The following DHX57 variants were observed in gnomAD, a reference collection of about 807,000 sequenced individuals.
DHX57 encodes the protein DExH-box helicase 57.
A neutral mutation model predicts 156.2 loss-of-function variants in DHX57; 105 were observed. The observed-to-expected ratio is 0.67, with a 90% CI of 0.57 to 0.79. The LOEUF is 0.79. DHX57 is among the 30% of genes least tolerant of loss of function. DHX57 has a pLI of 0.00. For synonymous variants in DHX57, 704 were observed against 595.6 expected (o/e 1.18, Z -2.65); for missense variants, 1,847 against 1,661.9 (o/e 1.11, Z -1.94).
chr2:38,858,024 C>T (rs541743776), intron 6 of DHX57, among the ~76,000 whole-genome samples: 26 of 152,312 alleles, frequency 1.7e-4, no homozygotes, highest in East Asian at 9.6e-4. Context: ...TGTGTTACCA[C>T]GCCCGCCTGG....
At chr2:38,863,932 G>A (rs1043281555) in intron 2 of DHX57, among the ~76,000 whole-genome samples, 3 of 151,942 alleles carry the variant, frequency 2.0e-5, no homozygotes, top group Non-Finnish European at 2.9e-5. Flanking sequence ...AGAATCACTT[G>A]AACTTGGAGG....
chr2:38,868,775 T>C (rs1665208643), intron 1 of DHX57, among the ~76,000 whole-genome samples: 1 of 151,872 alleles, frequency 6.6e-6, no homozygotes, highest in African/African-American at 2.4e-5. Context: ...AATCCTAGAT[T>C]CTCATTTGGT....
At chr2:38,860,933 A>G in intron 5 of DHX57, 66 bp downstream of exon 5, 1 of 1,437,666 alleles carries the variant, frequency 7.0e-7, no homozygotes, top group Non-Finnish European at 9.5e-7. Flanking sequence ...GACCAGCCTT[A>G]AAGGCTTTGA....
At chr2:38,839,377 G>C (rs977078539) in intron 12 of DHX57, among the ~76,000 whole-genome samples, 1 of 151,956 alleles carries the variant, frequency 6.6e-6, no homozygotes, top group African/African-American at 2.4e-5. Context: ...TACCAAGGAA[G>C]GGAAACTTCC....
At chr2:38,838,766 G>A (rs528076432) in intron 12 of DHX57, 3 of 456,040 alleles carry the variant, frequency 6.6e-6, no homozygotes, top group African/African-American at 4.0e-5. Flanking sequence ...ATAAGTGGTT[G>A]ATCTTCCCTG....
At chr2:38,874,389 T>C (rs1261105831) in intron 1 of DHX57, among the ~76,000 whole-genome samples, 12 of 146,976 alleles carry the variant, frequency 8.2e-5, no homozygotes, top group East Asian at 2.1e-4. Flanking sequence ...CTGTGCCTAG[T>C]TGAAATACTG....
Position 38,858,799 on chromosome 2 carries a change from A to ATCCTCATCTGAC in DHX57, c.1437_1448dup (p.Glu479_Glu482dup). 6.2e-7 allele frequency: 1 copy of ATCCTCATCTGAC among 1,613,266 alleles called. No homozygotes were observed. Among genetic ancestry groups the ATCCTCATCTGAC allele is most frequent in the Non-Finnish European group, 8.5e-7 (1 of 1,179,838 alleles). On this transcript the variant is annotated inframe_insertion, in exon 6 of 24. Transcript: ENST00000457308. ...CTACTATAACAGGTGCAGGACCGTCATCCTCATCTGACTCCTCAGATTCTG... is the reference window on the plus strand; with the variant it reads ...CTACTATAACAGGTGCAGGACCGTCATCCTCATCTGACTCCTCATCTGACTCCTCAGATTCTG...
At chr2:38,809,190 G>A (rs1670107573) in intron 21 of DHX57, among the ~76,000 whole-genome samples, 1 of 152,086 alleles carries the variant, frequency 6.6e-6, no homozygotes, top group Non-Finnish European at 1.5e-5. Context: ...CACAATCACG[G>A]CTCACTGCAG....
chr2:38,842,338 C>T (rs903917648), intron 12 of DHX57, among the ~76,000 whole-genome samples: 1 of 152,110 alleles, frequency 6.6e-6, no homozygotes, highest in African/African-American at 2.4e-5. Flanking sequence ...ATATATGATC[C>T]ATGATAGGAT....
At position 38,814,215 on chromosome 2, in the gene DHX57, G is replaced by A. The variant is rs553282431; in HGVS notation, c.3607-320C>T. 4.6e-4 allele frequency among the ~76,000 whole-genome samples: 70 copies of A among 152,326 alleles called. 1 individual carries two copies. Among genetic ancestry groups the A allele is most frequent in the Admixed American group, 8.5e-4 (13 of 15,294 alleles). Reference sequence around the variant, plus strand: ...AGCCTCTCAAAGTACTGAGATTACAGGCGTGAGCCACTGCGTCTGGCTCTA... The same window carrying A: ...AGCCTCTCAAAGTACTGAGATTACAAGCGTGAGCCACTGCGTCTGGCTCTA... On this transcript the variant is annotated intron_variant, in intron 20 of 23. Coordinates refer to ENST00000457308, the MANE Select transcript of DHX57 (RefSeq NM_198963.3).
chr2:38,824,848 C>G (rs555629082), intron 16 of DHX57, among the ~76,000 whole-genome samples: 8 of 152,162 alleles, frequency 5.3e-5, no homozygotes, highest in African/African-American at 1.9e-4. Flanking sequence ...GGGGTTTCAC[C>G]ATGTTGTCCA....
chr2:38,799,096 G>T (rs1377620519), intron 23 of DHX57, among the ~76,000 whole-genome samples: 2 of 152,146 alleles, frequency 1.3e-5, no homozygotes, highest in Non-Finnish European at 2.9e-5. Context: ...GGGCCCGGTG[G>T]CTCACGCCTG....
At chr2:38,799,811 T>C (rs1669586916) in intron 23 of DHX57, among the ~76,000 whole-genome samples, 1 of 149,580 alleles carries the variant, frequency 6.7e-6, no homozygotes, top group Admixed American at 6.7e-5. Context: ...ATCCCAGCAC[T>C]TTGGGAGGCC....
rs199960627 is a variant in DHX57 at position 38,861,215 on chromosome 2, T to C, written c.1195A>G (p.Thr399Ala). 7 of 1,614,164 alleles carry C rather than the reference T, an allele frequency of 4.3e-6. No homozygotes were observed. The African/African-American group carries it at 5.3e-5, about 12-fold the overall frequency. The part of the protein sequence containing the change: ...ISEFLYDKAL[T>A]FAETSEPVVY... ...ACAGGTTCCGAAGTTTCCGCAAATG[T>C]CAAGGCCTTGTCATAAAGAAACTCA... The change falls in exon 5 of 24, where the codon ACA becomes GCA. Residue 399 changes from threonine (T) to alanine (A), a missense_variant. Physicochemically the swap from Thr to Ala is moderately conservative, Grantham distance 58. Transcript: ENST00000457308.
At chr2:38,832,532 AATAT>A (rs200490370) in intron 13 of DHX57, among the ~76,000 whole-genome samples, 99 of 131,262 alleles carry the variant, frequency 7.5e-4, no homozygotes, top group African/African-American at 7.5e-4. Flanking sequence ...CACATAGATT[AATAT>A]ATATATATAT....
chr2:38,868,094 C>T, intron 2 of DHX57, 88 bp downstream of exon 2: 2 of 1,512,576 alleles, frequency 1.3e-6, no homozygotes, highest in Non-Finnish European at 1.8e-6. Flanking sequence ...AATTACTCGA[C>T]TTTTTTTCCA....
At chr2:38,855,672 T>G (rs999133229) in intron 7 of DHX57, among the ~76,000 whole-genome samples, 1 of 152,214 alleles carries the variant, frequency 6.6e-6, no homozygotes, top group Non-Finnish European at 1.5e-5. Context: ...ACCATATCAC[T>G]GAGTCTGGAC....
At chr2:38,806,464 A>G in intron 22 of DHX57, 95 bp downstream of exon 22, 1 of 1,393,746 alleles carries the variant, frequency 7.2e-7, no homozygotes, top group Non-Finnish European at 9.9e-7. Flanking sequence ...TGCTGGGGAC[A>G]GCAAGTGATA....
chr2:38,801,433 G>A (rs1208080857), intron 23 of DHX57, among the ~76,000 whole-genome samples: 10 of 139,674 alleles, frequency 7.2e-5, no homozygotes, highest in African/African-American at 2.4e-4. Context: ...TATTTGAGAC[G>A]GAGTCTCATT....
Sources: gnomAD v4.1 joint callset for allele counts (sites outside exome capture counted in the v4.1 genomes callset) on GRCh38, gnomAD v4.1.1 for gene constraint, MANE v1.5 for transcripts, NCBI Gene and HGNC (gene_info 2026-07-23, HGNC 2026-07-21) for gene names.